The following CAMTA1 variants were observed in gnomAD, a reference collection of about 807,000 sequenced individuals.
The protein encoded by CAMTA1 is calmodulin-binding transcription activator 1.
CAMTA1 carries 27 observed loss-of-function variants against 170.9 expected under a neutral mutation model. The ratio of observed to expected loss-of-function variants is 0.16; its 90% CI spans 0.12 to 0.22. CAMTA1 has a LOEUF of 0.22. CAMTA1 is among the 10% of genes least tolerant of loss of function. The pLI, the probability that CAMTA1 is intolerant of heterozygous loss-of-function variation, is 1.00. For synonymous variants in CAMTA1, 833 were observed against 891.5 expected, an observed-to-expected ratio of 0.93 and a Z score of 1.17; for missense variants, 1,619 against 2,217.2, an observed-to-expected ratio of 0.73 and a Z score of 5.42.
At chr1:7,564,373 A>G (rs948812381) in intron 6 of CAMTA1, among the ~76,000 whole-genome samples, 4 of 152,250 alleles carry the variant, frequency 2.6e-5, no homozygotes, top group African/African-American at 9.6e-5. Context: ...TGGGAGGGAC[A>G]GCGGTTATAG....
At chr1:7,657,120 G>A (rs190209450) in intron 7 of CAMTA1, among the ~76,000 whole-genome samples, 3 of 152,360 alleles carry the variant, frequency 2.0e-5, no homozygotes, top group Admixed American at 6.5e-5. Context: ...CTGCTTCCCA[G>A]TGGCCAGTGT....
intron 5 of CAMTA1, among the ~76,000 whole-genome samples, chr1:7,436,076 C>A (rs1379888573): frequency 6.6e-6 from 1 of 152,216 alleles, no homozygotes; most frequent in African/African-American, 2.4e-5. Context: ...GACTCTCAGC[C>A]TCATGGCAGC....
intron 16 of CAMTA1, among the ~76,000 whole-genome samples, chr1:7,739,867 C>G (rs2096798531): frequency 1.3e-5 from 2 of 152,100 alleles, no homozygotes; most frequent in Non-Finnish European, 2.9e-5. Flanking sequence ...TTCCCTACCA[C>G]AACACATGGG....
At chr1:7,496,653 C>T (rs530686683) in intron 6 of CAMTA1, among the ~76,000 whole-genome samples, 2 of 152,286 alleles carry the variant, frequency 1.3e-5, no homozygotes, top group Admixed American at 6.5e-5. Flanking sequence ...AAAGTGGTTA[C>T]TTCATAAAAT....
At chr1:7,750,732 C>CAGAA (rs1308606158) in intron 19 of CAMTA1, among the ~76,000 whole-genome samples, 2 of 152,192 alleles carry the variant, frequency 1.3e-5, no homozygotes, top group Non-Finnish European at 2.9e-5. Flanking sequence ...GCAACTCAGT[C>CAGAA]AGAAACTTGT....
Position 7,433,220 on chromosome 1 carries a change from A to G in CAMTA1, c.439-34610A>G, listed in dbSNP as rs567096089. On this transcript the variant is annotated intron_variant, in intron 5 of 22. Transcript: ENST00000303635. ...CCCTAGCAGGCTGGTGTTGGGTGTC[A>G]GAGAAGGAGGCAGGGCAGAAGGAAG... Among the ~76,000 whole-genome samples the G allele has an allele frequency of 6.6e-5, 10 of 152,364 alleles. No individual in the cohort carries two copies. In the South Asian group the frequency reaches 2.1e-3, roughly 32 times the overall value.
At chr1:7,546,792 C>T (rs570701105) in intron 6 of CAMTA1, among the ~76,000 whole-genome samples, 13 of 151,954 alleles carry the variant, frequency 8.6e-5, no homozygotes, top group South Asian at 6.2e-4. Flanking sequence ...GTTGGCTGGA[C>T]GAACGTCTTA....
chr1:6,990,277 T>G (rs1404466491), intron 3 of CAMTA1, among the ~76,000 whole-genome samples: 1 of 152,232 alleles, frequency 6.6e-6, no homozygotes, highest in Non-Finnish European at 1.5e-5. Context: ...GCTTTAGCTG[T>G]GTCTCACAAT....
intron 5 of CAMTA1, among the ~76,000 whole-genome samples, chr1:7,436,350 G>A (rs1233894917): frequency 1.3e-5 from 2 of 152,210 alleles, no homozygotes; most frequent in Non-Finnish European, 2.9e-5. Context: ...CAGGGAGGGG[G>A]CCTGGGAGGG....
At chr1:7,390,303 G>C (rs2088548920) in intron 5 of CAMTA1, among the ~76,000 whole-genome samples, 1 of 152,210 alleles carries the variant, frequency 6.6e-6, no homozygotes, top group Admixed American at 6.5e-5. Flanking sequence ...CTAAGCATCT[G>C]ACACAGCTCA....
chr1:7,084,338 G>C (rs1003409134), intron 3 of CAMTA1, among the ~76,000 whole-genome samples: 3 of 152,170 alleles, frequency 2.0e-5, no homozygotes, highest in Non-Finnish European at 4.4e-5. Flanking sequence ...TTTTCTAAGG[G>C]CTGCTCCAGG....
chr1:6,867,351 T>C (rs1483511930), intron 3 of CAMTA1, among the ~76,000 whole-genome samples: 1 of 152,176 alleles, frequency 6.6e-6, no homozygotes, highest in South Asian at 2.1e-4. Flanking sequence ...TGAGGAGTAT[T>C]GTGGAAATAA....
At chr1:7,348,312 TC>T (rs1288824491) in intron 5 of CAMTA1, among the ~76,000 whole-genome samples, 5 of 152,154 alleles carry the variant, frequency 3.3e-5, no homozygotes, top group Non-Finnish European at 7.3e-5. Context: ...ACTGCCTCAT[TC>T]CCATGCCCAT....
intron 5 of CAMTA1, among the ~76,000 whole-genome samples, chr1:7,391,921 G>A (rs1232579393): frequency 6.6e-6 from 1 of 152,182 alleles, no homozygotes; most frequent in Non-Finnish European, 1.5e-5. Context: ...ATTGAAGGAT[G>A]TCTGGGCTGT....
rs751773443 is a variant in CAMTA1 at position 7,093,444 on chromosome 1, C to T, written c.302+2073C>T. On this transcript the variant is annotated intron_variant, in intron 4 of 22. Coordinates refer to ENST00000303635, the MANE Select transcript of CAMTA1 (RefSeq NM_015215.4). This position sits in a 1 kb window ranked among gnomAD's most constrained non-coding sequence, Gnocchi z 4.6. ...GCCTCTCCTTGCGCCCTTCACTCTC[C>T]GCTGAAACACTCCTTGAATCTAAGT... 1.3e-5 allele frequency among the ~76,000 whole-genome samples: 2 copies of T among 152,138 alleles called. No individual in the cohort carries two copies. Among genetic ancestry groups the T allele is most frequent in the African/African-American group, 2.4e-5 (1 of 41,420 alleles).
intron 4 of CAMTA1, among the ~76,000 whole-genome samples, chr1:7,162,146 T>C (rs1429609790): frequency 1.3e-5 from 2 of 152,092 alleles, no homozygotes; most frequent in Non-Finnish European, 2.9e-5. Flanking sequence ...TTCTGGAGTA[T>C]GGTGGGTGCA....
At chr1:7,589,090 G>C (rs2095334754) in intron 6 of CAMTA1, among the ~76,000 whole-genome samples, 1 of 152,228 alleles carries the variant, frequency 6.6e-6, no homozygotes, top group Non-Finnish European at 1.5e-5. Flanking sequence ...GCTGGGAAGG[G>C]AATTGTAGTG....
intron 3 of CAMTA1, among the ~76,000 whole-genome samples, chr1:6,975,227 G>A (rs953913212): frequency 1.3e-5 from 2 of 152,188 alleles, no homozygotes; most frequent in Non-Finnish European, 2.9e-5. Context: ...AAATAGGGAC[G>A]TTCAGCATGT....
rs776545986 is a variant in CAMTA1 at position 7,300,594 on chromosome 1, T to C, written c.438+50968T>C. 4.3e-4 allele frequency among the ~76,000 whole-genome samples: 65 copies of C among 152,062 alleles called. 1 individual carries two copies. Among genetic ancestry groups the C allele is most frequent in the East Asian group, 3.9e-4 (2 of 5,186 alleles). On this transcript the variant is annotated intron_variant, in intron 5 of 22. Coordinates refer to ENST00000303635, the MANE Select transcript of CAMTA1 (RefSeq NM_015215.4). This position sits in a 1 kb window ranked among gnomAD's most constrained non-coding sequence, Gnocchi z 4.1. ...CGGGAGGCTGAGGTAGGAGAATCAC[T>C]TGAACCCGGGAGGCAGAGGTTGCAG... is the stretch of plus-strand genomic sequence containing the variant.
Sources: allele counts gnomAD v4.1 joint callset (sites outside exome capture counted in the v4.1 genomes callset), GRCh38; gene constraint gnomAD v4.1.1; non-coding constraint Gnocchi (gnomAD v3.1); transcripts MANE v1.5; gene names NCBI Gene and HGNC (gene_info 2026-07-23, HGNC 2026-07-21).